Variants in CACNA2D3 observed in about 807,000 individuals in gnomAD.
The protein encoded by CACNA2D3 is voltage-dependent calcium channel subunit alpha-2/delta-3.
Under a neutral mutation model 160.6 loss-of-function variants are expected in CACNA2D3, and 60 were observed. The observed-to-expected ratio is 0.37, with a 90% confidence interval of 0.30 to 0.46. The LOEUF is 0.46. CACNA2D3 is among the 20% of genes least tolerant of loss of function. The probability of loss-of-function intolerance (pLI) is 1.00; values close to 1 mark genes in which losing one functional copy is unlikely to be tolerated. For synonymous variants in CACNA2D3, 558 were observed against 492.9 expected (o/e 1.13, Z -1.75); for missense variants, 1,205 against 1,365.0 (o/e 0.88, Z 1.85).
chr3:54,458,012 G>A (rs936016998), intron 4 of CACNA2D3, among the ~76,000 whole-genome samples: 1 of 151,884 alleles, frequency 6.6e-6, no homozygotes, highest in African/African-American at 2.4e-5. Context: ...ATATAGTTGG[G>A]TTGTATTTTT....
At chr3:54,467,590 A>C (rs962279249) in intron 4 of CACNA2D3, among the ~76,000 whole-genome samples, 3 of 152,232 alleles carry the variant, frequency 2.0e-5, no homozygotes, top group Non-Finnish European at 2.9e-5. Flanking sequence ...ACATGGGTGA[A>C]TCTGGAGACA....
intron 2 of CACNA2D3, among the ~76,000 whole-genome samples, chr3:54,293,589 C>T (rs994640604): frequency 3.4e-5 from 5 of 147,540 alleles, no homozygotes; most frequent in Admixed American, 2.7e-4. Flanking sequence ...CAATATATCA[C>T]ATCCATGCAG....
chr3:54,935,474 G>A (rs941994210), intron 27 of CACNA2D3, among the ~76,000 whole-genome samples: 7 of 152,276 alleles, frequency 4.6e-5, no homozygotes, highest in South Asian at 4.1e-4. Flanking sequence ...AGAAACAAAC[G>A]GATCAAGAAA....
intron 13 of CACNA2D3, among the ~76,000 whole-genome samples, chr3:54,777,938 A>C (rs1377233455): frequency 6.6e-6 from 1 of 152,198 alleles, no homozygotes; most frequent in Non-Finnish European, 1.5e-5. Flanking sequence ...AGCTATTTTA[A>C]TTGTCAACTA....
intron 11 of CACNA2D3, among the ~76,000 whole-genome samples, chr3:54,718,297 T>C (rs1372152496): frequency 6.6e-6 from 1 of 152,140 alleles, no homozygotes; most frequent in Admixed American, 6.5e-5. Flanking sequence ...ATATACAATT[T>C]AAGACATATT....
chr3:54,445,554 A>G (rs891603120), intron 4 of CACNA2D3, among the ~76,000 whole-genome samples: 1 of 98,318 alleles, frequency 1.0e-5, no homozygotes, highest in Non-Finnish European at 1.9e-5. Flanking sequence ...ATTTCTATGT[A>G]TACACACACA....
In CACNA2D3 at chr3:55,009,411, G is replaced by A; in HGVS notation, c.2843G>A (p.Cys948Tyr). ...AGGTTCCTGGTGGAATTTAACCTCT[G>A]CAGTTGGTGGCACTCCGATATGACA... The part of the protein sequence containing the change: ...LVLFLVEFNL[C>Y]SWWHSDMTAK... Residue 948 changes from cysteine to tyrosine, a missense_variant, in exon 34 of 38, where the codon TGC becomes TAC. Cys to Tyr is a radical substitution (Grantham distance 194). This residue lies in a region of CACNA2D3 where 911 missense variants were observed against 1,002.2 expected (regional missense o/e 0.91). Coordinates refer to ENST00000474759, the MANE Select transcript of CACNA2D3 (RefSeq NM_018398.3). The A allele has an allele frequency of 6.2e-7, 1 of 1,613,894 alleles. No individual in the cohort carries two copies. Among genetic ancestry groups the A allele is most frequent in the Non-Finnish European group, 8.5e-7 (1 of 1,179,808 alleles).
chr3:54,175,315 A>G lies in CACNA2D3; in HGVS notation c.204+51721A>G, dbSNP rs565145526. On this transcript the variant is annotated intron_variant, in intron 2 of 37. Transcript: ENST00000474759. ...CCTCTCAAGATTTGCTGAGAAATTA[A>G]CTCTCAAGAGGCAGATTAAGGCCGG... Among the ~76,000 whole-genome samples the G allele has an allele frequency of 2.0e-5, 3 of 151,988 alleles. 1 individual carries two copies. The South Asian group carries it at 6.2e-4, about 32-fold the overall frequency.
Position 54,350,990 on chromosome 3 carries a change from T to G in CACNA2D3, c.321+30432T>G, listed in dbSNP as rs1343365329. Among the ~76,000 whole-genome samples, 155 of 119,912 alleles carry G rather than the reference T, an allele frequency of 1.3e-3. 1 individual carries two copies. Among genetic ancestry groups the G allele is most frequent in the South Asian group, 3.4e-3 (12 of 3,488 alleles). The allele number at this position is 119,912 out of a possible 152,430, so 78.7% of individuals were successfully genotyped here. ...TCTGTTTTTTTTTTTTTGTTTGTTT[T>G]TTTTTTTTTTTTTTTTGAGACAGAG... On this transcript the variant is annotated intron_variant, in intron 3 of 37. Coordinates refer to ENST00000474759, the MANE Select transcript of CACNA2D3 (RefSeq NM_018398.3).
At chr3:54,984,522 G>C in intron 29 of CACNA2D3, 86 bp from the exon 30 acceptor site, 1 of 765,652 alleles carries the variant, frequency 1.3e-6, no homozygotes. Context: ...GTCTAAGGTT[G>C]GAAGTGTGTC....
At chr3:54,998,124 ATTCTT>A (rs1702899173) in intron 31 of CACNA2D3, among the ~76,000 whole-genome samples, 1 of 142,022 alleles carries the variant, frequency 7.0e-6, no homozygotes. Context: ...TAATCAATTA[ATTCTT>A]TTTTTTTTTT....
chr3:54,329,766 G>A (rs994248035), intron 3 of CACNA2D3, among the ~76,000 whole-genome samples: 3 of 152,080 alleles, frequency 2.0e-5, no homozygotes, highest in South Asian at 2.1e-4. Flanking sequence ...TAATAATAAT[G>A]ATAATAAAAG....
chr3:54,131,140 G>C (rs1699698714), intron 2 of CACNA2D3, among the ~76,000 whole-genome samples: 1 of 152,198 alleles, frequency 6.6e-6, no homozygotes, highest in East Asian at 1.9e-4. Flanking sequence ...TTGAGCTTCT[G>C]TGGGGCCTGG....
At chr3:54,695,372 T>A (rs1414591020) in intron 11 of CACNA2D3, among the ~76,000 whole-genome samples, 3 of 151,750 alleles carry the variant, frequency 2.0e-5, no homozygotes, top group African/African-American at 7.3e-5. Flanking sequence ...CAAGTTTAGT[T>A]TTTTTTTTCT....
intron 10 of CACNA2D3, chr3:54,639,846 AAG>A (rs1389996093): frequency 2.0e-5 from 3 of 152,942 alleles, no homozygotes; most frequent in Admixed American, 6.5e-5. Context: ...TGAGTCCGAA[AAG>A]AGAGTCAGCG....
intron 4 of CACNA2D3, among the ~76,000 whole-genome samples, chr3:54,453,426 G>A (rs1361744451): frequency 6.6e-6 from 1 of 152,154 alleles, no homozygotes; most frequent in Non-Finnish European, 1.5e-5. Context: ...CCTGTGGGTA[G>A]GACTTCAACA....
At chr3:54,446,327 A>G (rs998915404) in intron 4 of CACNA2D3, among the ~76,000 whole-genome samples, 1 of 152,152 alleles carries the variant, frequency 6.6e-6, no homozygotes, top group Non-Finnish European at 1.5e-5. Context: ...TCCATAGAGC[A>G]TAGAGAGGGA....
chr3:54,299,551 G>C (rs553848788), intron 2 of CACNA2D3, among the ~76,000 whole-genome samples: 50 of 152,310 alleles, frequency 3.3e-4, no homozygotes, highest in Admixed American at 8.5e-4. Context: ...TAAAGGAAGC[G>C]TAATGGTAAC....
intron 5 of CACNA2D3, among the ~76,000 whole-genome samples, chr3:54,548,353 A>G (rs1425820598): frequency 6.6e-6 from 1 of 152,230 alleles, no homozygotes; most frequent in Admixed American, 6.5e-5. Context: ...TGAAATACAT[A>G]ACTGCTAAAA....
Sources: allele counts gnomAD v4.1 joint callset (sites outside exome capture counted in the v4.1 genomes callset), GRCh38; gene constraint gnomAD v4.1.1; regional missense constraint gnomAD v4.1.1; transcripts MANE v1.5; gene names NCBI Gene and HGNC (gene_info 2026-07-23, HGNC 2026-07-21).